ARB2A: variants seen among roughly 807,000 people sequenced by gnomAD.
ARB2A encodes the protein cotranscriptional regulator ARB2A.
chr5:93,670,476 C>G, the ARB2A span, among the ~76,000 whole-genome samples: 33,802 of 152,074 alleles, frequency 0.22, 4,951 homozygotes, highest in African/African-American at 0.4. Flanking sequence ...GATTTTCAAG[C>G]CTTAAGTAAA....
the ARB2A span, among the ~76,000 whole-genome samples, chr5:93,825,382 G>C: frequency 3.9e-5 from 6 of 152,036 alleles, no homozygotes; most frequent in Admixed American, 3.9e-4. Context: ...TGTTCTGTCC[G>C]TTCTTCAAAT....
the ARB2A span, among the ~76,000 whole-genome samples, chr5:93,746,114 A>G: frequency 1.3e-5 from 2 of 152,218 alleles, no homozygotes; most frequent in African/African-American, 4.8e-5. Flanking sequence ...AATACACTGA[A>G]ATGATTGTCA....
At chr5:93,760,547 A>C in the ARB2A span, among the ~76,000 whole-genome samples, 1 of 152,252 alleles carries the variant, frequency 6.6e-6, no homozygotes, top group African/African-American at 2.4e-5. Flanking sequence ...CTAGTATAAA[A>C]ATAGGCACAT....
chr5:94,063,614 G>A, the ARB2A span, among the ~76,000 whole-genome samples: 1 of 151,910 alleles, frequency 6.6e-6, no homozygotes, highest in Non-Finnish European at 1.5e-5. Context: ...GGAACCTAAG[G>A]ACAGGCAGGC....
At chr5:93,763,117 A>G in the ARB2A span, among the ~76,000 whole-genome samples, 50 of 152,296 alleles carry the variant, frequency 3.3e-4, no homozygotes, top group Non-Finnish European at 4.9e-4. Context: ...GACCATCGAG[A>G]CTAGGAAGAA....
chr5:94,002,397 T>C, the ARB2A span, among the ~76,000 whole-genome samples: 8 of 152,042 alleles, frequency 5.3e-5, no homozygotes, highest in Non-Finnish European at 1.0e-4. Flanking sequence ...AGTTTTTAAC[T>C]CTTACACTTG....
chr5:93,771,388 G>A, the ARB2A span, among the ~76,000 whole-genome samples: 429 of 151,490 alleles, frequency 2.8e-3, 4 homozygotes, highest in African/African-American at 9.2e-3. Context: ...TCAGGACATA[G>A]GCATGGGCAA....
At chr5:94,054,750 T>C in the ARB2A span, among the ~76,000 whole-genome samples, 1 of 152,238 alleles carries the variant, frequency 6.6e-6, no homozygotes, top group Admixed American at 6.5e-5. Context: ...ATTGGAATTA[T>C]TCTGTATGGA....
At chr5:93,775,019 C>T in the ARB2A span, among the ~76,000 whole-genome samples, 28 of 151,778 alleles carry the variant, frequency 1.8e-4, no homozygotes, top group Non-Finnish European at 3.1e-4. Context: ...CACATATATA[C>T]ATATGTGCAT....
chr5:93,979,080 C>A, the ARB2A span, among the ~76,000 whole-genome samples: 1 of 152,092 alleles, frequency 6.6e-6, no homozygotes. Context: ...TTCATCATTA[C>A]ACATTCTATG....
the ARB2A span, among the ~76,000 whole-genome samples, chr5:93,914,073 C>T: frequency 1.3e-5 from 2 of 151,840 alleles, no homozygotes. Context: ...TCTTCCTACT[C>T]AAGATAGTGA....
the ARB2A span, among the ~76,000 whole-genome samples, chr5:93,778,295 T>G: frequency 6.6e-6 from 1 of 152,312 alleles, no homozygotes; most frequent in East Asian, 1.9e-4. Flanking sequence ...TTACCATTGA[T>G]AGAATACCAC....
At chr5:93,712,577 A>G in the ARB2A span, among the ~76,000 whole-genome samples, 2 of 152,214 alleles carry the variant, frequency 1.3e-5, no homozygotes, top group East Asian at 3.8e-4. Context: ...AAAAAATCTA[A>G]AACAAGTTTT....
chr5:93,958,983 A>C, the ARB2A span: 2 of 1,504,780 alleles, frequency 1.3e-6, no homozygotes, highest in Non-Finnish European at 1.8e-6. Flanking sequence ...AATTAAATAA[A>C]ATTAAATAAT....
the ARB2A span, among the ~76,000 whole-genome samples, chr5:93,926,364 C>G: frequency 2.0e-5 from 3 of 151,984 alleles, no homozygotes; most frequent in Admixed American, 2.0e-4. Flanking sequence ...AACTCCTGAC[C>G]TCAGGTGATC....
At chr5:93,779,881 GAA>G in the ARB2A span, among the ~76,000 whole-genome samples, 1 of 152,122 alleles carries the variant, frequency 6.6e-6, no homozygotes, top group Non-Finnish European at 1.5e-5. Context: ...ATATGGATTA[GAA>G]ATGCCTACAG....
At chr5:93,705,986 A>G in the ARB2A span, among the ~76,000 whole-genome samples, 1 of 152,174 alleles carries the variant, frequency 6.6e-6, no homozygotes, top group Admixed American at 6.5e-5. Flanking sequence ...CAGATTGATA[A>G]TTCCTCAAGA....
At chr5:94,012,377 GGA>G in the ARB2A span, among the ~76,000 whole-genome samples, 12 of 152,334 alleles carry the variant, frequency 7.9e-5, no homozygotes, top group Admixed American at 3.3e-4. Flanking sequence ...ACTCCAGCCT[GGA>G]GGACAGAGCG....
the ARB2A span, among the ~76,000 whole-genome samples, chr5:93,812,487 G>A: frequency 6.6e-6 from 1 of 152,126 alleles, no homozygotes; most frequent in Non-Finnish European, 1.5e-5. Context: ...AACTGGAAAG[G>A]AGTCAAGACT....
Sources: allele counts gnomAD v4.1 joint callset (sites outside exome capture counted in the v4.1 genomes callset), GRCh38; gene constraint gnomAD v4.1.1; transcripts MANE v1.5; gene names NCBI Gene and HGNC (gene_info 2026-07-23, HGNC 2026-07-21).